USP37: variants seen among roughly 807,000 people sequenced by gnomAD.
USP37 encodes the protein ubiquitin specific peptidase 37.
In USP37, 27 loss-of-function variants were observed where a neutral mutation model predicts 124.0. The ratio of observed to expected loss-of-function variants is 0.22; its 90% CI spans 0.16 to 0.30. USP37 has a LOEUF of 0.30. USP37 is among the 10% of genes least tolerant of loss of function. The pLI is 1.00. For synonymous variants in USP37, 365 were observed against 388.0 expected (o/e 0.94, Z 0.70); for missense variants, 889 against 1,140.4 (o/e 0.78, Z 3.17).
chr2:218,497,803 C>T lies in USP37; in HGVS notation c.1212G>A (p.Lys404=), dbSNP rs777315004. ...CATTTTTAACCTTCTTGAGTAAATCCTTTTTGGTCTCTGAATTACAGATAT... is the reference window on the plus strand; with the variant it reads ...CATTTTTAACCTTCTTGAGTAAATCTTTTTTGGTCTCTGAATTACAGATAT... ...KKDICNSETK[K]DLLKKVKNAI... Residue 404 remains lysine, a synonymous_variant, in exon 13 of 26, where the codon AAG becomes AAA. Coordinates refer to ENST00000258399, the MANE Select transcript of USP37 (RefSeq NM_020935.3). 8.1e-6 allele frequency: 13 copies of T among 1,613,896 alleles called. No individual in the cohort carries two copies. The highest frequency in any genetic ancestry group is 5.0e-5 in the Admixed American group (3 of 59,992).
chr2:218,488,412 C>G lies in USP37; in HGVS notation c.1482G>C (p.Glu494Asp). The G allele has an allele frequency of 6.3e-7, 1 of 1,591,972 alleles. No homozygotes were observed. The highest frequency in any genetic ancestry group is 8.6e-7 in the Non-Finnish European group (1 of 1,169,092). The change falls in exon 15 of 26, where the codon GAG (glutamate) becomes GAC (aspartate). Residue 494 changes from glutamate (E) to aspartate (D), a missense_variant. This residue lies in a region of USP37 where 504 missense variants were observed against 714.3 expected (regional missense o/e 0.71). Coordinates refer to ENST00000258399, the MANE Select transcript of USP37 (RefSeq NM_020935.3). ...TAAACTGTTCTCTTTTGGGGATAAT[C>G]TCTCCACATCTGTAAGAATAAAATG... is the stretch of plus-strand genomic sequence containing the variant. The part of the protein sequence containing the change: ...QHSIICKACG[E>D]IIPKREQFND...
chr2:218,472,973 T>C (rs1175863858), intron 20 of USP37, among the ~76,000 whole-genome samples: 1 of 152,216 alleles, frequency 6.6e-6, no homozygotes, highest in Non-Finnish European at 1.5e-5. Context: ...CTTTAGTCTT[T>C]AGTCAGGGCC....
intron 10 of USP37, among the ~76,000 whole-genome samples, chr2:218,519,112 G>A (rs953405587): frequency 6.6e-6 from 1 of 152,182 alleles, no homozygotes; most frequent in Admixed American, 6.5e-5. Flanking sequence ...TGCCAACTAT[G>A]TTACAACTGC....
chr2:218,475,472 T>C (rs909401864), intron 19 of USP37, among the ~76,000 whole-genome samples: 4 of 152,038 alleles, frequency 2.6e-5, no homozygotes, highest in Admixed American at 1.3e-4. Flanking sequence ...TGGTGGCTCA[T>C]GCCTGTAATC....
intron 20 of USP37, among the ~76,000 whole-genome samples, chr2:218,470,214 A>G (rs768971230): frequency 6.6e-6 from 1 of 152,190 alleles, no homozygotes; most frequent in South Asian, 2.1e-4. Flanking sequence ...ATTTCAGTGA[A>G]TAAGATAATT....
intron 1 of USP37, among the ~76,000 whole-genome samples, chr2:218,567,834 G>A (rs772271565): frequency 6.6e-6 from 1 of 152,228 alleles, no homozygotes; most frequent in Admixed American, 6.5e-5. Flanking sequence ...TGAGTATCAT[G>A]TCCAAGGCCT....
Position 218,482,082 on chromosome 2 carries a change from G to A in USP37, c.1823C>T (p.Ala608Val). ...TKPPFTLGWS[A>V]HMAISRPLKA... is the part of the protein sequence containing the mutation. The stretch of plus-strand genomic sequence containing the variant: ...CTCAAGGACTTACATTGCCATATGT[G>A]CACTCCAACCAAGGGTAAAAGGTGG... The change falls in exon 17 of 26, where the codon GCA (alanine) becomes GTA (valine). Residue 608 changes from alanine to valine, a missense_variant. Coordinates refer to ENST00000258399, the MANE Select transcript of USP37 (RefSeq NM_020935.3). The A allele has an allele frequency of 1.2e-6, 2 of 1,611,434 alleles. No individual in the cohort carries two copies. Among genetic ancestry groups the A allele is most frequent in the South Asian group, 1.1e-5 (1 of 90,794 alleles).
rs1253326559 is a variant in USP37, at chr2:218,488,375, T to C, written c.1519A>G (p.Ile507Val). ...PKREQFNDLS[I>V]DLPRRKKPLP... Reference sequence around the variant, plus strand: ...GGTTTTTTCCTACGAGGAAGGTCAATAGAGAGGTCATTAAACTGTTCTCTT... The same window carrying C: ...GGTTTTTTCCTACGAGGAAGGTCAACAGAGAGGTCATTAAACTGTTCTCTT... The change falls in exon 15 of 26, where the codon ATT becomes GTT. Residue 507 changes from isoleucine (I) to valine (V), a missense_variant. Coordinates refer to ENST00000258399, the MANE Select transcript of USP37 (RefSeq NM_020935.3). The C allele has an allele frequency of 9.3e-6, 15 of 1,612,720 alleles. No homozygotes were observed. Among genetic ancestry groups the C allele is most frequent in the Admixed American group, 1.7e-5 (1 of 59,796 alleles).
At chr2:218,486,740 T>C (rs183054926) in intron 15 of USP37, among the ~76,000 whole-genome samples, 244 of 152,174 alleles carry the variant, frequency 1.6e-3, no homozygotes, top group African/African-American at 5.7e-3. Context: ...TTTTTTATTT[T>C]TTTGAGACAG....
At chr2:218,512,576 A>T (rs1690061243) in intron 10 of USP37, among the ~76,000 whole-genome samples, 1 of 152,198 alleles carries the variant, frequency 6.6e-6, no homozygotes, top group Admixed American at 6.5e-5. Context: ...GGAAAAGTGT[A>T]TAAAAATCAA....
At chr2:218,503,064 A>G (rs914084450) in intron 11 of USP37, among the ~76,000 whole-genome samples, 1 of 152,226 alleles carries the variant, frequency 6.6e-6, no homozygotes, top group African/African-American at 2.4e-5. Flanking sequence ...TCTAGATCCA[A>G]TGGAAATATC....
intron 8 of USP37, among the ~76,000 whole-genome samples, chr2:218,538,269 A>C (rs1476080808): frequency 2.0e-5 from 3 of 152,192 alleles, no homozygotes; most frequent in Non-Finnish European, 4.4e-5. Flanking sequence ...GGAGGGATGC[A>C]TCTCATCATC....
At chr2:218,559,291 T>C (rs537470940) in intron 3 of USP37, among the ~76,000 whole-genome samples, 4 of 151,980 alleles carry the variant, frequency 2.6e-5, no homozygotes, top group Admixed American at 6.6e-5. Context: ...GCCTGGGCAA[T>C]AGAGTGAAGA....
In USP37 at chr2:218,558,643, A is replaced by G; in HGVS notation, c.11T>C (p.Leu4Pro). MSP[L>P]KIHGPIRIRS... is the part of the protein sequence containing the mutation. ...AATTCTGATAGGACCATGTATCTTCAGAGGAGACATATTTTCTTTAAAAAT... is the reference window on the plus strand; with the variant it reads ...AATTCTGATAGGACCATGTATCTTCGGAGGAGACATATTTTCTTTAAAAAT... Residue 4 changes from leucine (L) to proline (P), a missense_variant, in exon 4 of 26, where the codon CTG becomes CCG. Leu to Pro is a moderately conservative substitution (Grantham distance 98). This residue lies in a region of USP37 where 374 missense variants were observed against 386.0 expected (regional missense o/e 0.97). Coordinates refer to ENST00000258399, the MANE Select transcript of USP37 (RefSeq NM_020935.3). 1 of 1,597,892 alleles carries G rather than the reference A, an allele frequency of 6.3e-7. No individual in the cohort carries two copies. Among genetic ancestry groups the G allele is most frequent in the Non-Finnish European group, 8.5e-7 (1 of 1,173,438 alleles).
At chr2:218,474,513 C>T in intron 20 of USP37, 117 bp downstream of exon 20, 9 of 1,432,512 alleles carry the variant, frequency 6.3e-6, no homozygotes, top group Non-Finnish European at 8.5e-6. Flanking sequence ...GGTCACACAC[C>T]ACCATGCTCA....
intron 20 of USP37, among the ~76,000 whole-genome samples, chr2:218,469,277 C>A (rs1425321986): frequency 9.2e-5 from 14 of 151,958 alleles, no homozygotes; most frequent in Non-Finnish European, 1.9e-4. Context: ...CAACCCTTGC[C>A]ATGGCCTAGA....
intron 1 of USP37, 79 bp from the exon 2 acceptor site, chr2:218,562,892 G>A (rs998109908): frequency 3.3e-5 from 13 of 390,914 alleles, no homozygotes; most frequent in Non-Finnish European, 5.0e-5. Flanking sequence ...GGCTGGGCAC[G>A]GTGGCTGACG....
chr2:218,478,974 A>G (rs1306495351), intron 18 of USP37, among the ~76,000 whole-genome samples: 2 of 152,212 alleles, frequency 1.3e-5, no homozygotes, highest in African/African-American at 4.8e-5. Context: ...CTCTTCTCTA[A>G]AAGTACTTTG....
intron 5 of USP37, among the ~76,000 whole-genome samples, chr2:218,551,054 A>G (rs1692641894): frequency 7.3e-5 from 11 of 150,972 alleles, no homozygotes; most frequent in Admixed American, 7.3e-4. Flanking sequence ...TACTTTTATC[A>G]TTTTTTTTTA....
Sources: gnomAD v4.1 joint callset for allele counts (sites outside exome capture counted in the v4.1 genomes callset) on GRCh38, gnomAD v4.1.1 for gene constraint, gnomAD v4.1.1 regional missense constraint, MANE v1.5 for transcripts, NCBI Gene and HGNC (gene_info 2026-07-23, HGNC 2026-07-21) for gene names.